OAT: variants seen among roughly 807,000 people sequenced by gnomAD.
The protein encoded by OAT is ornithine aminotransferase.
Under a neutral mutation model 48.4 loss-of-function variants are expected in OAT, and 35 were observed. The observed-to-expected ratio is 0.72, with a 90% CI of 0.55 to 0.96. The LOEUF (loss-of-function observed/expected upper bound fraction) is 0.96. OAT is among the 40% of genes least tolerant of loss of function. The pLI, the probability that OAT is intolerant of heterozygous loss-of-function variation, is 0.00. For synonymous variants in OAT, 182 were observed against 198.4 expected, an observed-to-expected ratio of 0.92 and a Z score of 0.70; for missense variants, 438 against 537.9, an observed-to-expected ratio of 0.81 and a Z score of 1.84.
chr10:124,402,696 C>G (rs1951445633), intron 7 of OAT, among the ~76,000 whole-genome samples: 1 of 152,148 alleles, frequency 6.6e-6, no homozygotes, highest in South Asian at 2.1e-4. Context: ...CCACCCAAAT[C>G]CAATGTCATA....
chr10:124,413,045 C>T (rs1011152227), intron 1 of OAT, among the ~76,000 whole-genome samples: 1 of 152,070 alleles, frequency 6.6e-6, no homozygotes, highest in Non-Finnish European at 1.5e-5. Context: ...AGCAGTCCGC[C>T]CACCACGGCC....
At chr10:124,402,272 G>A (rs1315871351) in intron 7 of OAT, among the ~76,000 whole-genome samples, 1 of 152,100 alleles carries the variant, frequency 6.6e-6, no homozygotes, top group Non-Finnish European at 1.5e-5. Flanking sequence ...ACAACCTAAT[G>A]ACTTAGTCAT....
chr10:124,411,327 T>C (rs1951744354), intron 2 of OAT, among the ~76,000 whole-genome samples: 1 of 152,028 alleles, frequency 6.6e-6, no homozygotes, highest in African/African-American at 2.4e-5. Context: ...AAGGAAAATG[T>C]CAGTACTATT....
chr10:124,411,778 T>C (rs1270122916), intron 2 of OAT, among the ~76,000 whole-genome samples, 195 bp downstream of exon 2: 2 of 142,048 alleles, frequency 1.4e-5, no homozygotes, highest in Admixed American at 1.5e-4. Flanking sequence ...ATTGTGCCAC[T>C]GTACTCCAGC....
At position 124,397,886 on chromosome 10, in the gene OAT, CA is replaced by C. The variant is rs780064635; in HGVS notation, c.*55del. On this transcript the variant is annotated 3_prime_UTR_variant, in exon 10 of 10. Transcript: ENST00000368845. Reference sequence around the variant, plus strand: ...GCCCACATTAGGAATAAAGCTTTTACAGGACCACCTGTCTCCAGCTGGCTCC... The same window carrying C: ...GCCCACATTAGGAATAAAGCTTTTACGGACCACCTGTCTCCAGCTGGCTCC... 31 of 1,607,834 alleles carry C rather than the reference CA, an allele frequency of 1.9e-5. No homozygotes were observed. In the East Asian group the frequency reaches 4.0e-4, roughly 21 times the overall value.
chr10:124,418,244 G>T (rs1454381393), intron 1 of OAT: 1 of 152,400 alleles, frequency 6.6e-6, no homozygotes, highest in African/African-American at 2.4e-5. Flanking sequence ...GGCTGGAAGA[G>T]GGGAGCGATG....
intron 2 of OAT, among the ~76,000 whole-genome samples, chr10:124,409,205 G>C (rs1217274440): frequency 1.3e-5 from 2 of 152,134 alleles, no homozygotes; most frequent in African/African-American, 4.8e-5. Flanking sequence ...AACACAAAAA[G>C]GTTATAAACT....
At position 124,401,051 on chromosome 10, in the gene OAT, G is replaced by A. The variant is rs77934300; in HGVS notation, c.1015-67C>T. 1.6e-3 allele frequency: 1,893 copies of A among 1,164,334 alleles called. 18 individuals are homozygous for A. In the African/African-American group the frequency reaches 0.026, roughly 16 times the overall value. 72.1% of individuals were successfully genotyped at this position (1,164,334 alleles called of 1,614,324 possible). A position where few individuals can be genotyped will look rare whatever the true frequency, so the allele number is the denominator to read the frequency against. ...TTTTTTGTTTTTTGGAGGACAACGG[G>A]GACTGTAAACACAGGAAAAACATGA... On this transcript the variant is annotated intron_variant, in intron 8 of 9. Coordinates refer to ENST00000368845, the MANE Select transcript of OAT (RefSeq NM_000274.4).
intron 7 of OAT, 21 bp downstream of exon 7, chr10:124,402,904 AAG>A: frequency 6.2e-7 from 1 of 1,612,784 alleles, no homozygotes; most frequent in South Asian, 1.1e-5. Context: ...AGGAAATGGA[AAG>A]AGGGGGAACA....
chr10:124,406,096 C>T (rs1372752356), intron 4 of OAT: 2 of 985,092 alleles, frequency 2.0e-6, no homozygotes, highest in African/African-American at 3.5e-5. Flanking sequence ...TATTATAATC[C>T]TTTATGATGC....
chr10:124,406,901 G>T, intron 4 of OAT: 1 of 948,526 alleles, frequency 1.1e-6, no homozygotes, highest in Non-Finnish European at 1.3e-6. Flanking sequence ...GAAAACACCT[G>T]ACATAAACCA....
chr10:124,405,704 T>C (rs1951556151), intron 4 of OAT, 141 bp from the exon 5 acceptor site: 1 of 1,504,120 alleles, frequency 6.6e-7, no homozygotes, highest in Admixed American at 2.1e-5. Flanking sequence ...GGCTTTCAAT[T>C]GTTAAAACAA....
At chr10:124,417,136 G>A (rs1315972800) in intron 1 of OAT, among the ~76,000 whole-genome samples, 1 of 151,766 alleles carries the variant, frequency 6.6e-6, no homozygotes, top group Non-Finnish European at 1.5e-5. Context: ...CACGCTATGG[G>A]GATAATACAT....
rs563591992 is a variant in OAT, at chr10:124,416,515, G to A, written c.-30+2358C>T. ...GGCAGCTATCATGCATCTACCTGACGCCCATACTCAGGTCCTGGAAATGAG... is the reference window on the plus strand; with the variant it reads ...GGCAGCTATCATGCATCTACCTGACACCCATACTCAGGTCCTGGAAATGAG... On this transcript the variant is annotated intron_variant, in intron 1 of 9. Transcript: ENST00000368845. 4.6e-5 allele frequency among the ~76,000 whole-genome samples: 7 copies of A among 152,212 alleles called. No individual in the cohort carries two copies. In the South Asian group the frequency reaches 8.3e-4, roughly 18 times the overall value.
intron 4 of OAT, among the ~76,000 whole-genome samples, chr10:124,406,319 C>T (rs1393732809): frequency 1.4e-5 from 2 of 147,784 alleles, no homozygotes; most frequent in East Asian, 2.0e-4. Flanking sequence ...GGTGAAACCC[C>T]ATCTCTACTA....
rs2134456266 is a variant in OAT, at chr10:124,402,960, G to A, written c.867C>T (p.Leu289=). 1 of 1,614,106 alleles carries A rather than the reference G, an allele frequency of 6.2e-7. No homozygotes were observed. Residue 289 remains leucine, a synonymous_variant, in exon 7 of 10, where the codon CTC becomes CTT. Coordinates refer to ENST00000368845, the MANE Select transcript of OAT (RefSeq NM_000274.4). ...DYENVRPDIV[L]LGKALSGGLY... ...AGCCCCCAGAAAGGGCCTTTCCAAGGAGGACTATATCAGGTCTGACATTTT... is the reference window on the plus strand; with the variant it reads ...AGCCCCCAGAAAGGGCCTTTCCAAGAAGGACTATATCAGGTCTGACATTTT...
In OAT at chr10:124,415,074, T is replaced by TGTGTCGCTAAAAAAAAAAAAAAAAAAAA. The variant is rs1564742697; in HGVS notation, c.-29-2875_-29-2874insTTTTTTTTTTTTTTTTTTTTAGCGACAC. On this transcript the variant is annotated intron_variant, in intron 1 of 9. Transcript: ENST00000368845. The stretch of plus-strand genomic sequence containing the variant: ...CACTCCAGCCTGGGCTACAAAGCGC[T>TGTGTCGCTAAAAAAAAAAAAAAAAAAAA]AAAAAAAAAAAAAAAAAAAAAAAAA... 1.2e-4 allele frequency: 2 copies of TGTGTCGCTAAAAAAAAAAAAAAAAAAAA among 16,854 alleles called. 1 individual carries two copies. The highest frequency in any genetic ancestry group is 3.5e-4 in the African/African-American group (2 of 5,666). 1.0% of individuals were successfully genotyped at this position (16,854 alleles called of 1,614,324 possible).
At position 124,398,040 on chromosome 10, in the gene OAT, G is replaced by C. The variant is rs768166413; in HGVS notation, c.1222C>G (p.His408Asp). Residue 408 changes from histidine (H) to aspartate (D), a missense_variant, in exon 10 of 10, where the codon CAT becomes GAT. By Grantham distance (81) the His-to-Asp change is moderately conservative. Transcript: ENST00000368845. ...RDNGLLAKPT[H>D]GDIIRFAPPL... ...GGCGCAAACCTGATAATGTCGCCAT[G>C]GGTTGGCTTGGCCAGAAGTCCATTA... 1 of 1,614,110 alleles carries C rather than the reference G, an allele frequency of 6.2e-7. No individual in the cohort carries two copies.
intron 1 of OAT, among the ~76,000 whole-genome samples, chr10:124,416,521 A>G (rs530655861): frequency 2.0e-5 from 3 of 152,300 alleles, no homozygotes; most frequent in Non-Finnish European, 4.4e-5. Flanking sequence ...TGACGCCCAT[A>G]CTCAGGTCCT....
Sources: allele counts gnomAD v4.1 joint callset (sites outside exome capture counted in the v4.1 genomes callset), GRCh38; gene constraint gnomAD v4.1.1; transcripts MANE v1.5; gene names NCBI Gene and HGNC (gene_info 2026-07-23, HGNC 2026-07-21).